Variants in KDM6A observed in about 807,000 individuals in gnomAD.
The protein encoded by KDM6A is lysine demethylase 6A.
A neutral mutation model predicts 117.6 loss-of-function variants in KDM6A; 11 were observed. The ratio of observed to expected loss-of-function variants is 0.09; its 90% confidence interval spans 0.06 to 0.15. KDM6A has a LOEUF of 0.15. KDM6A is among the 10% of genes least tolerant of loss of function. The probability of loss-of-function intolerance (pLI) is 1.00; values close to 1 mark genes in which losing one functional copy is unlikely to be tolerated. For missense variants in KDM6A, 799 were observed against 1,077.3 expected, an observed-to-expected ratio of 0.74 and a Z score of 3.62; for synonymous variants, 384 against 396.1, an observed-to-expected ratio of 0.97 and a Z score of 0.36.
intron 2 of KDM6A, among the ~76,000 whole-genome samples, chrX:44,880,821 T>TGGTG (rs1555961371): frequency 1.8e-5 from 2 of 109,573 alleles, no homozygotes; most frequent in Non-Finnish European, 3.8e-5. Flanking sequence ...AGTACTCTGA[T>TGGTG]AGTACACCAG....
chrX:44,926,998 A>G (rs913332506), intron 2 of KDM6A, among the ~76,000 whole-genome samples: 1 of 111,628 alleles, frequency 9.0e-6, no homozygotes, highest in African/African-American at 3.3e-5. Context: ...AATTAAATGA[A>G]TTAATACATA....
At chrX:44,973,423 C>T (rs910753019) in intron 3 of KDM6A, among the ~76,000 whole-genome samples, 8 of 111,751 alleles carry the variant, frequency 7.2e-5, no homozygotes, top group African/African-American at 2.6e-4. Flanking sequence ...GATTTTTCTT[C>T]AGGAAAGTTA....
At chrX:44,980,991 A>G (rs893880972) in intron 4 of KDM6A, among the ~76,000 whole-genome samples, 1 of 109,920 alleles carries the variant, frequency 9.1e-6, no homozygotes, top group African/African-American at 3.3e-5. Context: ...TCTTCCCCCT[A>G]CTTCATGTTT....
intron 2 of KDM6A, among the ~76,000 whole-genome samples, chrX:44,892,848 CA>C (rs1283785668): frequency 6.5e-5 from 7 of 107,723 alleles, no homozygotes; most frequent in Admixed American, 4.0e-4. Context: ...ACTAAAAATA[CA>C]AAAGTTAGCC....
At chrX:45,031,743 C>G (rs763942693) in intron 6 of KDM6A, among the ~76,000 whole-genome samples, 8 of 111,517 alleles carry the variant, frequency 7.2e-5, no homozygotes, top group Non-Finnish European at 1.3e-4. Context: ...GGTAATCAGA[C>G]TATATACAGC....
At chrX:45,063,319 T>TATGA in intron 16 of KDM6A, 103 bp from the exon 17 acceptor site, 2 of 769,834 alleles carry the variant, frequency 2.6e-6, no homozygotes, top group South Asian at 4.2e-5. Context: ...TCCCTAATTA[T>TATGA]ACATCTTCAT....
At chrX:44,933,626 G>A (rs1157576545) in intron 2 of KDM6A, among the ~76,000 whole-genome samples, 1 of 109,728 alleles carries the variant, frequency 9.1e-6, no homozygotes, top group African/African-American at 3.3e-5. Context: ...CGCCCAGGCT[G>A]GAGTCTAGTG....
intron 8 of KDM6A, among the ~76,000 whole-genome samples, chrX:45,048,600 G>A (rs184871183): frequency 3.6e-5 from 4 of 109,848 alleles, no homozygotes; most frequent in Non-Finnish European, 7.6e-5. Context: ...TGATTCTTCA[G>A]CCTAGTAAGA....
chrX:45,031,416 C>G (rs2042598300), intron 6 of KDM6A, among the ~76,000 whole-genome samples: 1 of 112,240 alleles, frequency 8.9e-6, no homozygotes, highest in Admixed American at 9.4e-5. Context: ...GCAGTATCAA[C>G]TATACATACC....
At chrX:45,070,771 T>C (rs1025683983) in intron 18 of KDM6A, among the ~76,000 whole-genome samples, 2 of 109,292 alleles carry the variant, frequency 1.8e-5, no homozygotes, top group African/African-American at 6.7e-5. Flanking sequence ...CCATCACTTA[T>C]CAAGGCTAGT....
Position 45,082,770 on chromosome X carries a change from G to A in KDM6A, c.3421G>A (p.Asp1141Asn), listed in dbSNP as rs2148144728. 8.4e-7 allele frequency: 1 copy of A among 1,189,210 alleles called. No individual in the cohort carries two copies. Among genetic ancestry groups the A allele is most frequent in the South Asian group, 1.8e-5 (1 of 56,391 alleles). ...AACCATAAAGTTTGGGACCAATATT[G>A]ACCTATCTGATGACAAAAAGTAAGT... ...FKTIKFGTNI[D>N]LSDDKKWKLQ... Residue 1141 changes from aspartate to asparagine, a missense_variant, in exon 23 of 30, where the codon GAC (aspartate) becomes AAC (asparagine). By Grantham distance (23) the Asp-to-Asn change is conservative (BLOSUM62 1). Transcript: ENST00000611820.
intron 4 of KDM6A, among the ~76,000 whole-genome samples, chrX:45,000,899 A>T (rs993324912): frequency 8.8e-6 from 1 of 113,158 alleles, no homozygotes; most frequent in Non-Finnish European, 1.9e-5. Context: ...AAAGGGGACA[A>T]TCTGGGCCTC....
At chrX:45,109,530 G>T (rs1343703623) in intron 28 of KDM6A, among the ~76,000 whole-genome samples, 1 of 111,456 alleles carries the variant, frequency 9.0e-6, no homozygotes, top group African/African-American at 3.3e-5. Flanking sequence ...TGTAATTCTA[G>T]CATCAACCTT....
At chrX:45,004,472 A>G (rs992725598) in intron 4 of KDM6A, among the ~76,000 whole-genome samples, 3 of 111,220 alleles carry the variant, frequency 2.7e-5, no homozygotes, top group African/African-American at 6.6e-5. Context: ...ATGTTTTGTA[A>G]CTTTTTTGAA....
At position 44,989,611 on chromosome X, in the gene KDM6A, A is replaced by G. The variant is rs773234705; in HGVS notation, c.384+14896A>G. 4.5e-5 allele frequency among the ~76,000 whole-genome samples: 5 copies of G among 112,178 alleles called. No individual in the cohort carries two copies. In the South Asian group the frequency reaches 1.1e-3, roughly 25 times the overall value. ...ATAATTAGTTTTTGGTAAGTAATAC[A>G]TTGGAAGTGTTGAGGGCTGTGCCGG... On this transcript the variant is annotated intron_variant, in intron 4 of 29. Transcript: ENST00000611820.
chrX:45,051,849 G>A (rs774233422), intron 9 of KDM6A, 47 bp downstream of exon 9: 1 of 744,789 alleles, frequency 1.3e-6, no homozygotes, highest in Non-Finnish European at 2.1e-6. Flanking sequence ...TTCTCTTTAT[G>A]TTTTTTCCAT....
At position 44,989,171 on chromosome X, in the gene KDM6A, A is replaced by G. The variant is rs773321349; in HGVS notation, c.384+14456A>G. The stretch of plus-strand genomic sequence containing the variant: ...ATCTCAGACTGCTGTGCTAGCATCA[A>G]GTGAGGGTCCCTGGGCTTAGGACCC... On this transcript the variant is annotated intron_variant, in intron 4 of 29. Coordinates refer to ENST00000611820, the MANE Select transcript of KDM6A (RefSeq NM_001291415.2). Among the ~76,000 whole-genome samples, 6 of 101,576 alleles carry G rather than the reference A, an allele frequency of 5.9e-5. No homozygotes were observed. In the East Asian group the frequency reaches 1.9e-3, roughly 31 times the overall value. 88.2% of individuals were successfully genotyped at this position (101,576 alleles called of 115,157 possible).
At chrX:44,973,504 G>A (rs1279862853) in intron 3 of KDM6A, among the ~76,000 whole-genome samples, 5 of 111,454 alleles carry the variant, frequency 4.5e-5, no homozygotes, top group South Asian at 3.8e-4. Flanking sequence ...CTAATAGATC[G>A]CTTGACTGGA....
At chrX:45,081,682 G>A (rs2045412316) in intron 21 of KDM6A, among the ~76,000 whole-genome samples, 1 of 112,232 alleles carries the variant, frequency 8.9e-6, no homozygotes, top group Admixed American at 9.4e-5. Context: ...CTTGAAAATG[G>A]GGCAGGTATG....
Sources: gnomAD v4.1 joint callset for allele counts (sites outside exome capture counted in the v4.1 genomes callset) on GRCh38, gnomAD v4.1.1 for gene constraint, MANE v1.5 for transcripts, NCBI Gene and HGNC (gene_info 2026-07-23, HGNC 2026-07-21) for gene names.